C1orf159: variants seen among roughly 807,000 people sequenced by gnomAD.
The protein encoded by C1orf159 is chromosome 1 open reading frame 159.
A neutral mutation model predicts 25.6 loss-of-function variants in C1orf159; 19 were observed. That is an observed-to-expected ratio of 0.74 (90% CI 0.52 to 1.09). The LOEUF (loss-of-function observed/expected upper bound fraction) is 1.09. Among genes scored for constraint, C1orf159 ranks in the 50% least tolerant of loss-of-function variants. The pLI, the probability that C1orf159 is intolerant of heterozygous loss-of-function variation, is 0.00. For missense variants in C1orf159, 274 were observed against 290.6 expected (o/e 0.94, Z 0.42); for synonymous variants, 139 against 124.7 (o/e 1.12, Z -0.77).
intron 1 of C1orf159, among the ~76,000 whole-genome samples, chr1:1,115,302 C>T (rs1244699231): frequency 1.3e-5 from 2 of 152,196 alleles, no homozygotes; most frequent in South Asian, 2.1e-4. Flanking sequence ...TGCACCCCGA[C>T]TAGCCCTCGG....
chr1:1,105,200 C>T (rs1283071903), intron 1 of C1orf159, among the ~76,000 whole-genome samples: 3 of 152,184 alleles, frequency 2.0e-5, no homozygotes, highest in Admixed American at 6.5e-5. Context: ...GGCCAACTAC[C>T]GTAAAAGTTT....
At chr1:1,099,131 T>C (rs1646053003) in intron 1 of C1orf159, among the ~76,000 whole-genome samples, 2 of 151,950 alleles carry the variant, frequency 1.3e-5, no homozygotes, top group Admixed American at 1.3e-4. Context: ...TGATTGTGGA[T>C]TGTCTATTGA....
chr1:1,108,713 C>T (rs1276039424), intron 1 of C1orf159, among the ~76,000 whole-genome samples: 5 of 57,126 alleles, frequency 8.8e-5, no homozygotes. Context: ...CCACGGCCAC[C>T]ATGTCTCAGC....
At chr1:1,094,710 C>A (rs1470972226) in intron 1 of C1orf159, among the ~76,000 whole-genome samples, 1 of 152,156 alleles carries the variant, frequency 6.6e-6, no homozygotes, top group Non-Finnish European at 1.5e-5. Context: ...CCCGTCTTAT[C>A]ATTTTTTTAT....
rs765233620 is a variant in C1orf159, at chr1:1,087,480, G to C, written c.244+22C>G. 45 of 1,528,886 alleles carry C rather than the reference G, an allele frequency of 2.9e-5. No homozygotes were observed. Among genetic ancestry groups the C allele is most frequent in the Non-Finnish European group, 3.9e-5 (44 of 1,130,320 alleles). 94.7% of individuals were successfully genotyped at this position (1,528,886 alleles called of 1,614,324 possible). A position where few individuals can be genotyped will look rare whatever the true frequency, so the allele number is the denominator to read the frequency against. On this transcript the variant is annotated intron_variant, in intron 5 of 9. Coordinates refer to ENST00000421241, the MANE Select transcript of C1orf159 (RefSeq NM_017891.5). The surrounding 1 kb of genome is among the most constrained non-coding windows in gnomAD (Gnocchi z 8.3). ...CAGCTGGAGCTGTGAGAAGGGAGCC[G>C]GGGGGAGCCGGGCAGACCTACAGCT...
rs953108066 is a variant in C1orf159 at position 1,089,469 on chromosome 1, C to G, written c.148+884G>C. 2.6e-5 allele frequency among the ~76,000 whole-genome samples: 4 copies of G among 152,118 alleles called. No homozygotes were observed. Among genetic ancestry groups the G allele is most frequent in the African/African-American group, 9.7e-5 (4 of 41,408 alleles). ...TGTTCTCCCTCAGAGCGGTGCCCTCCTCCTCCTACCCTGCGTGTGCCTCAG... is the reference window on the plus strand; with the variant it reads ...TGTTCTCCCTCAGAGCGGTGCCCTCGTCCTCCTACCCTGCGTGTGCCTCAG... On this transcript the variant is annotated intron_variant, in intron 4 of 9. Coordinates refer to ENST00000421241, the MANE Select transcript of C1orf159 (RefSeq NM_017891.5). This position sits in a 1 kb window ranked among gnomAD's most constrained non-coding sequence, Gnocchi z 7.5.
chr1:1,099,118 C>T (rs182887483), intron 1 of C1orf159, among the ~76,000 whole-genome samples: 1 of 151,122 alleles, frequency 6.6e-6, no homozygotes, highest in Admixed American at 6.6e-5. Flanking sequence ...AAATCTCTGA[C>T]GATGATTGTG....
chr1:1,090,453 T>C (rs1307909133), intron 3 of C1orf159, 25 bp from the exon 4 acceptor site: 22 of 1,549,374 alleles, frequency 1.4e-5, no homozygotes, highest in Non-Finnish European at 1.9e-5. Flanking sequence ...GCAGTGAAAC[T>C]CCAGGACGCG....
chr1:1,108,666 A>G (rs935879577), intron 1 of C1orf159, among the ~76,000 whole-genome samples: 4 of 101,824 alleles, frequency 3.9e-5, no homozygotes, highest in Admixed American at 2.7e-4. Context: ...TCTCGGCAGC[A>G]CCGTTCACCA....
In C1orf159 at chr1:1,087,126, T is replaced by G. The variant is rs373085778; in HGVS notation, c.310+13A>C. 1.2e-6 allele frequency: 2 copies of G among 1,606,186 alleles called. No individual in the cohort carries two copies. Among genetic ancestry groups the G allele is most frequent in the East Asian group, 2.2e-5 (1 of 44,848 alleles). ...GACACCGGCAGAGGTGGCTGTGGCC[T>G]GCTGAGACTTACCAGGATGTGGCCG... On this transcript the variant is annotated intron_variant, in intron 6 of 9. Coordinates refer to ENST00000421241, the MANE Select transcript of C1orf159 (RefSeq NM_017891.5). The surrounding 1 kb of genome is among the most constrained non-coding windows in gnomAD (Gnocchi z 8.3).
Position 1,085,968 on chromosome 1 carries a change from T to C in C1orf159, c.355A>G (p.Ile119Val). 1 of 1,613,258 alleles carries C rather than the reference T, an allele frequency of 6.2e-7. No individual in the cohort carries two copies. Among genetic ancestry groups the C allele is most frequent in the Non-Finnish European group, 8.5e-7 (1 of 1,179,806 alleles). Residue 119 changes from isoleucine to valine, a missense_variant, in exon 7 of 10, where the codon ATT (isoleucine) becomes GTT (valine). By Grantham distance (29) the Ile-to-Val change is conservative (BLOSUM62 3). Coordinates refer to ENST00000421241, the MANE Select transcript of C1orf159 (RefSeq NM_017891.5). ...AASLFLGTFFISSGLILSVAG... is the reference protein window; with the variant it reads ...AASLFLGTFFVSSGLILSVAG... The stretch of plus-strand genomic sequence containing the variant: ...ACGGAGAGGATGAGGCCGGAGCTAA[T>C]GAAGAACGTGCCCAGGAAGAGGGAG...
In C1orf159 at chr1:1,087,771, G is replaced by A. The variant is rs1009162507; in HGVS notation, c.149-174C>T. ...CACCCCCAGGGAGCATGGCGGGGCC[G>A]TGAGCACCCCACGCTGAGTACTCCA... On this transcript the variant is annotated intron_variant, in intron 4 of 9. Coordinates refer to ENST00000421241, the MANE Select transcript of C1orf159 (RefSeq NM_017891.5). This position sits in a 1 kb window ranked among gnomAD's most constrained non-coding sequence, Gnocchi z 8.3. The A allele has an allele frequency of 3.8e-5, 23 of 606,728 alleles. No homozygotes were observed. The highest frequency in any genetic ancestry group is 2.0e-4 in the African/African-American group (11 of 54,008). 37.6% of individuals were successfully genotyped at this position (606,728 alleles called of 1,614,324 possible). A position where few individuals can be genotyped will look rare whatever the true frequency, so the allele number is the denominator to read the frequency against.
At chr1:1,111,988 T>C (rs984543123) in intron 1 of C1orf159, among the ~76,000 whole-genome samples, 3 of 152,148 alleles carry the variant, frequency 2.0e-5, no homozygotes, top group Non-Finnish European at 2.9e-5. Flanking sequence ...TTGACATGCA[T>C]GGTAGTCGCT....
rs1441112221 is a variant in C1orf159 at position 1,091,504 on chromosome 1, C to T, written c.40G>A (p.Val14Met). The T allele has an allele frequency of 8.4e-6, 13 of 1,550,110 alleles. No homozygotes were observed. Among genetic ancestry groups the T allele is most frequent in the South Asian group, 3.6e-5 (3 of 84,052 alleles). ...RHLALLAGLL[V>M]GVASKSMENT... The stretch of plus-strand genomic sequence containing the variant: ...TCCATGGACTTGCTGGCGACTCCCA[C>T]GAGAAGGCCAGCCAGGAGGGCGAGG... Residue 14 changes from valine to methionine, a missense_variant, in exon 3 of 10, where the codon GTG (valine) becomes ATG (methionine). Coordinates refer to ENST00000421241, the MANE Select transcript of C1orf159 (RefSeq NM_017891.5).
intron 1 of C1orf159, among the ~76,000 whole-genome samples, chr1:1,113,609 A>G (rs4970406): frequency 0.13 from 20,496 of 152,140 alleles, 1,458 homozygotes; most frequent in East Asian, 0.21. Flanking sequence ...CCTCCTCAGA[A>G]GAGTTTGATG....
intron 1 of C1orf159, among the ~76,000 whole-genome samples, chr1:1,094,017 T>C (rs371417467): frequency 1.8e-4 from 28 of 152,198 alleles, no homozygotes; most frequent in African/African-American, 6.5e-4. Flanking sequence ...TAGCCACTTA[T>C]ATATCTTCTT....
At chr1:1,091,395 C>T (rs1159514290) in intron 3 of C1orf159, 77 bp downstream of exon 3, 4 of 1,324,548 alleles carry the variant, frequency 3.0e-6, no homozygotes, top group South Asian at 1.3e-5. Context: ...AAGGGTTAGA[C>T]CCTCTAGGGG....
intron 1 of C1orf159, among the ~76,000 whole-genome samples, chr1:1,111,517 G>C (rs757099603): frequency 5.3e-5 from 8 of 152,192 alleles, no homozygotes; most frequent in Non-Finnish European, 8.8e-5. Context: ...CTGGGCGACA[G>C]AGCCAGACCC....
At chr1:1,113,769 G>A (rs1646294634) in intron 1 of C1orf159, among the ~76,000 whole-genome samples, 1 of 152,162 alleles carries the variant, frequency 6.6e-6, no homozygotes, top group South Asian at 2.1e-4. Context: ...TTTGACTTAG[G>A]GTCTTCCACG....
Sources: allele counts gnomAD v4.1 joint callset (sites outside exome capture counted in the v4.1 genomes callset), GRCh38; gene constraint gnomAD v4.1.1; non-coding constraint Gnocchi (gnomAD v3.1); transcripts MANE v1.5; gene names NCBI Gene and HGNC (gene_info 2026-07-23, HGNC 2026-07-21).